Variants in PAX7 observed in about 807,000 individuals in gnomAD.
PAX7 encodes paired box protein Pax-7.
PAX7 carries 18 observed loss-of-function variants against 50.7 expected under a neutral mutation model. The observed-to-expected ratio is 0.36, with a 90% CI of 0.25 to 0.53. The LOEUF (loss-of-function observed/expected upper bound fraction) is 0.53. Ranked by LOEUF, PAX7 falls within the 20% of genes least tolerant of loss-of-function variation. The probability of loss-of-function intolerance (pLI) is 0.93; values close to 1 mark genes in which losing one functional copy is unlikely to be tolerated. For synonymous variants in PAX7, 310 were observed against 290.4 expected (o/e 1.07, Z -0.69); for missense variants, 644 against 702.9 (o/e 0.92, Z 0.95).
intron 1 of PAX7, among the ~76,000 whole-genome samples, chr1:18,633,886 A>G (rs1198346317): frequency 6.6e-6 from 1 of 152,210 alleles, no homozygotes; most frequent in Non-Finnish European, 1.5e-5. Context: ...CTGCAGCCCA[A>G]GCTTCGGCCT....
intron 4 of PAX7, among the ~76,000 whole-genome samples, chr1:18,665,337 G>A (rs940255250): frequency 6.6e-6 from 1 of 152,114 alleles, no homozygotes; most frequent in Non-Finnish European, 1.5e-5. Context: ...GAGAGATATG[G>A]CATGAGCGGG....
chr1:18,743,246 T>G (rs1301038803), intron 8 of PAX7, among the ~76,000 whole-genome samples: 1 of 152,228 alleles, frequency 6.6e-6, no homozygotes, highest in Admixed American at 6.5e-5. Context: ...GAGGTTTGAA[T>G]AGATGAGGTG....
At chr1:18,733,345 T>C (rs4521967) in intron 7 of PAX7, among the ~76,000 whole-genome samples, 12,338 of 152,152 alleles carry the variant, frequency 0.081, 790 homozygotes, top group Admixed American at 0.16. Context: ...CTCCCTAAAG[T>C]AGTGCTAGTG....
At chr1:18,729,955 C>G (rs186895772) in intron 7 of PAX7, among the ~76,000 whole-genome samples, 1 of 152,242 alleles carries the variant, frequency 6.6e-6, no homozygotes, top group Admixed American at 6.5e-5. Flanking sequence ...CTGCACAGCC[C>G]CTGACTGAGA....
intron 4 of PAX7, among the ~76,000 whole-genome samples, chr1:18,649,128 G>A (rs923601747): frequency 1.3e-5 from 2 of 152,192 alleles, no homozygotes; most frequent in Non-Finnish European, 1.5e-5. Context: ...TTTACAGATG[G>A]AAAAGCTCAG....
rs757366029 is a variant in PAX7, at chr1:18,746,254, T to A, written c.*1325T>A. ...TGGCCAAGAGGTCCCTGCCTCCTGA[T>A]CCGGCACAGCTGAGCTGAGGCAGAT... On this transcript the variant is annotated 3_prime_UTR_variant, in exon 9 of 9. Transcript: ENST00000420770. 7 of 230,418 alleles carry A rather than the reference T, an allele frequency of 3.0e-5. No homozygotes were observed. Among genetic ancestry groups the A allele is most frequent in the African/African-American group, 4.4e-5 (2 of 45,192 alleles). The allele number at this position is 230,418 out of a possible 1,614,324, so 14.3% of individuals were successfully genotyped here. A position where few individuals can be genotyped will look rare whatever the true frequency, so the allele number is the denominator to read the frequency against.
intron 7 of PAX7, among the ~76,000 whole-genome samples, chr1:18,703,540 T>C (rs2089249757): frequency 6.6e-6 from 1 of 152,256 alleles, no homozygotes; most frequent in Admixed American, 6.5e-5. Context: ...GATGGGGTTC[T>C]GGGCCGGTAA....
rs1473629750 is a variant in PAX7, at chr1:18,747,885, A to G, written c.*2956A>G. 1 of 192,666 alleles carries G rather than the reference A, an allele frequency of 5.2e-6. No homozygotes were observed. Among genetic ancestry groups the G allele is most frequent in the African/African-American group, 2.3e-5 (1 of 43,016 alleles). 11.9% of individuals were successfully genotyped at this position (192,666 alleles called of 1,614,324 possible). The stretch of plus-strand genomic sequence containing the variant: ...TGCCAGAGACCATCTGTAGGGATAT[A>G]TCTTCATATTGTGTGTTTCAAATTA... On this transcript the variant is annotated 3_prime_UTR_variant, in exon 9 of 9. Coordinates refer to ENST00000420770, the MANE Select transcript of PAX7 (RefSeq NM_001135254.2).
chr1:18,735,515 T>C lies in PAX7; in HGVS notation c.1156-117T>C. Reference sequence around the variant, plus strand: ...CTGAGGACCTCGAAGCTACAGAGACTTCAAGGGAACAACTCTGGCAAAGAG... The same window carrying C: ...CTGAGGACCTCGAAGCTACAGAGACCTCAAGGGAACAACTCTGGCAAAGAG... On this transcript the variant is annotated intron_variant, in intron 7 of 8. Coordinates refer to ENST00000420770, the MANE Select transcript of PAX7 (RefSeq NM_001135254.2). This position sits in a 1 kb window ranked among gnomAD's most constrained non-coding sequence, Gnocchi z 4.0. 1 of 1,505,650 alleles carries C rather than the reference T, an allele frequency of 6.6e-7. No individual in the cohort carries two copies. The highest frequency in any genetic ancestry group is 1.3e-5 in the South Asian group (1 of 74,572). The allele number at this position is 1,505,650 out of a possible 1,614,324, so 93.3% of individuals were successfully genotyped here.
chr1:18,707,783 T>A (rs2089302618), intron 7 of PAX7, among the ~76,000 whole-genome samples: 3 of 152,116 alleles, frequency 2.0e-5, no homozygotes, highest in African/African-American at 7.2e-5. Context: ...TGCCCTCACT[T>A]GCACTCTTTT....
chr1:18,675,174 C>T (rs958881883), intron 4 of PAX7, among the ~76,000 whole-genome samples: 7 of 152,072 alleles, frequency 4.6e-5, no homozygotes, highest in Admixed American at 1.3e-4. Context: ...ATGTAGTGCA[C>T]GATGACTTCC....
At chr1:18,639,575 G>A (rs889993301) in intron 4 of PAX7, among the ~76,000 whole-genome samples, 2 of 152,086 alleles carry the variant, frequency 1.3e-5, no homozygotes, top group Non-Finnish European at 2.9e-5. Flanking sequence ...CTTTCTCCGA[G>A]GATCAGGGGA....
intron 8 of PAX7, among the ~76,000 whole-genome samples, chr1:18,740,466 G>A (rs192610937): frequency 7.2e-5 from 11 of 152,276 alleles, no homozygotes; most frequent in East Asian, 1.9e-4. Context: ...CTGGGCCAGC[G>A]ACCTCTCCGT....
intron 5 of PAX7, among the ~76,000 whole-genome samples, chr1:18,694,184 T>G (rs1204709887): frequency 6.6e-6 from 1 of 152,132 alleles, no homozygotes; most frequent in Non-Finnish European, 1.5e-5. Context: ...ATAAACGGAC[T>G]GGTGCGGTGG....
intron 7 of PAX7, among the ~76,000 whole-genome samples, chr1:18,730,036 C>T (rs566233504): frequency 1.2e-4 from 19 of 152,244 alleles, no homozygotes; most frequent in Non-Finnish European, 2.2e-4. Context: ...CCTGCCTCTT[C>T]CCTTCTAATC....
intron 4 of PAX7, among the ~76,000 whole-genome samples, chr1:18,654,916 C>T (rs2088490020): frequency 6.6e-6 from 1 of 152,206 alleles, no homozygotes; most frequent in Admixed American, 6.5e-5. Context: ...AGGCTTTGGG[C>T]CTGGGGCCTC....
In PAX7 at chr1:18,745,761, G is replaced by A; in HGVS notation, c.*832G>A. 1 of 231,976 alleles carries A rather than the reference G, an allele frequency of 4.3e-6. No individual in the cohort carries two copies. Among genetic ancestry groups the A allele is most frequent in the Non-Finnish European group, 8.5e-6 (1 of 117,278 alleles). The allele number at this position is 231,976 out of a possible 1,614,324, so 14.4% of individuals were successfully genotyped here. Reference sequence around the variant, plus strand: ...TTCCCAGCATGTCCACTCCATCTGGGGCCTGGGGAGCCCACAGAACTTTTC... The same window carrying A: ...TTCCCAGCATGTCCACTCCATCTGGAGCCTGGGGAGCCCACAGAACTTTTC... On this transcript the variant is annotated 3_prime_UTR_variant, in exon 9 of 9. Coordinates refer to ENST00000420770, the MANE Select transcript of PAX7 (RefSeq NM_001135254.2).
intron 7 of PAX7, among the ~76,000 whole-genome samples, chr1:18,728,732 G>A (rs2089610250): frequency 6.6e-6 from 1 of 151,504 alleles, no homozygotes; most frequent in South Asian, 2.1e-4. Context: ...GGGCTTGGTG[G>A]TGCATGCCTG....
At chr1:18,742,855 C>A (rs1478312835) in intron 8 of PAX7, among the ~76,000 whole-genome samples, 8 of 152,224 alleles carry the variant, frequency 5.3e-5, no homozygotes, top group African/African-American at 1.9e-4. Flanking sequence ...GCTCTGTAAC[C>A]ACCATCTTAA....
Sources: allele counts gnomAD v4.1 joint callset (sites outside exome capture counted in the v4.1 genomes callset), GRCh38; gene constraint gnomAD v4.1.1; non-coding constraint Gnocchi (gnomAD v3.1); transcripts MANE v1.5; gene names NCBI Gene and HGNC (gene_info 2026-07-23, HGNC 2026-07-21).